ZNRF2: variants seen among roughly 807,000 people sequenced by gnomAD.
The protein encoded by ZNRF2 is E3 ubiquitin-protein ligase ZNRF2.
ZNRF2 carries 16 observed loss-of-function variants against 20.4 expected under a neutral mutation model. The ratio of observed to expected loss-of-function variants is 0.79; its 90% CI spans 0.53 to 1.19. The LOEUF is 1.19. ZNRF2 is among the 50% of genes most tolerant of loss of function. The pLI, the probability that ZNRF2 is intolerant of heterozygous loss-of-function variation, is 0.00. For missense variants in ZNRF2, 363 were observed against 332.4 expected (o/e 1.09, Z -0.72); for synonymous variants, 178 against 144.9 (o/e 1.23, Z -1.64).
intron 2 of ZNRF2, among the ~76,000 whole-genome samples, chr7:30,337,841 A>G (rs1315418660): frequency 2.6e-5 from 4 of 152,130 alleles, no homozygotes; most frequent in Admixed American, 2.6e-4. Context: ...AAGAGATACA[A>G]AGTATGCCCA....
intron 1 of ZNRF2, among the ~76,000 whole-genome samples, chr7:30,306,222 G>T (rs1284747419): frequency 5.9e-5 from 9 of 152,004 alleles, no homozygotes; most frequent in Non-Finnish European, 1.3e-4. Context: ...TTAAATGGCG[G>T]GTATAAAGCT....
chr7:30,297,353 C>T (rs1221654175), intron 1 of ZNRF2, among the ~76,000 whole-genome samples: 1 of 152,102 alleles, frequency 6.6e-6, no homozygotes, highest in Non-Finnish European at 1.5e-5. Context: ...TTTCCTGGTT[C>T]CTTGAATTTA....
intron 3 of ZNRF2, among the ~76,000 whole-genome samples, chr7:30,361,820 T>C (rs1045166309): frequency 5.9e-5 from 9 of 152,196 alleles, no homozygotes; most frequent in African/African-American, 1.9e-4. Context: ...TGCACCCTAA[T>C]ATTTAGCTTC....
intron 2 of ZNRF2, among the ~76,000 whole-genome samples, chr7:30,326,370 A>G (rs1189101289): frequency 2.0e-5 from 3 of 152,238 alleles, no homozygotes; most frequent in Admixed American, 1.3e-4. Flanking sequence ...TCCCACTTAC[A>G]AGTGAGAACG....
intron 1 of ZNRF2, among the ~76,000 whole-genome samples, chr7:30,298,397 TG>T (rs906994747): frequency 6.6e-6 from 1 of 152,190 alleles, no homozygotes; most frequent in Non-Finnish European, 1.5e-5. Context: ...ACTTTTAAAG[TG>T]GGGGGCACTA....
chr7:30,294,963 A>G (rs1203076774), intron 1 of ZNRF2, among the ~76,000 whole-genome samples: 8 of 145,678 alleles, frequency 5.5e-5, no homozygotes, highest in Admixed American at 3.4e-4. Flanking sequence ...ATGCCCCTGG[A>G]GCTGAAATTT....
chr7:30,318,335 C>G (rs1799409820), intron 1 of ZNRF2, among the ~76,000 whole-genome samples: 1 of 152,180 alleles, frequency 6.6e-6, no homozygotes, highest in Non-Finnish European at 1.5e-5. Flanking sequence ...ATCAGTTCTT[C>G]TGGGTGATTT....
chr7:30,326,338 C>A (rs938279199), intron 2 of ZNRF2, among the ~76,000 whole-genome samples: 1 of 152,158 alleles, frequency 6.6e-6, no homozygotes, highest in African/African-American at 2.4e-5. Context: ...CTCTTTGTGT[C>A]CATGTGCTCT....
At chr7:30,287,118 A>G (rs941070240) in intron 1 of ZNRF2, among the ~76,000 whole-genome samples, 2 of 152,196 alleles carry the variant, frequency 1.3e-5, no homozygotes, top group Admixed American at 1.3e-4. Flanking sequence ...AAAAATATTC[A>G]TCCCTCTTAA....
chr7:30,330,813 A>G (rs189681406), intron 2 of ZNRF2, among the ~76,000 whole-genome samples: 111 of 152,230 alleles, frequency 7.3e-4, no homozygotes, highest in African/African-American at 2.5e-3. Context: ...AGAATTTTAA[A>G]TAAGAAAGTC....
intron 2 of ZNRF2, among the ~76,000 whole-genome samples, chr7:30,340,860 CCTT>C (rs1799785216): frequency 6.6e-6 from 1 of 152,046 alleles, no homozygotes; most frequent in Non-Finnish European, 1.5e-5. Flanking sequence ...GGCTGTAAAT[CCTT>C]CTGGTCCTGG....
intron 1 of ZNRF2, among the ~76,000 whole-genome samples, chr7:30,294,367 G>C (rs1206556470): frequency 3.9e-5 from 6 of 151,976 alleles, no homozygotes; most frequent in African/African-American, 1.5e-4. Context: ...CAGTTCTATC[G>C]GGGAATAATC....
chr7:30,301,507 A>G (rs1270960756), intron 1 of ZNRF2, among the ~76,000 whole-genome samples: 1 of 151,954 alleles, frequency 6.6e-6, no homozygotes, highest in African/African-American at 2.4e-5. Flanking sequence ...AATAAAAGCT[A>G]GAAAAGGGAC....
At chr7:30,286,531 CT>C (rs1315264881) in intron 1 of ZNRF2, among the ~76,000 whole-genome samples, 5 of 152,148 alleles carry the variant, frequency 3.3e-5, no homozygotes, top group Non-Finnish European at 7.4e-5. Context: ...TGGCTAGGTT[CT>C]TTTGAAGAGC....
chr7:30,301,711 A>AC (rs1156573201), intron 1 of ZNRF2, among the ~76,000 whole-genome samples: 8 of 151,618 alleles, frequency 5.3e-5, no homozygotes, highest in Non-Finnish European at 1.2e-4. Flanking sequence ...AAAAAAAAAA[A>AC]AAAAAAAAAA....
chr7:30,345,911 C>T (rs537255494), intron 2 of ZNRF2, among the ~76,000 whole-genome samples: 116 of 152,102 alleles, frequency 7.6e-4, no homozygotes, highest in Non-Finnish European at 1.2e-3. Context: ...GATTTAATTT[C>T]GCTTATACAT....
At chr7:30,294,439 G>A (rs1370964489) in intron 1 of ZNRF2, among the ~76,000 whole-genome samples, 1 of 152,076 alleles carries the variant, frequency 6.6e-6, no homozygotes, top group African/African-American at 2.4e-5. Context: ...TGGCTTTATT[G>A]TGGTGGTCCT....
At chr7:30,333,789 T>A (rs1237094066) in intron 2 of ZNRF2, among the ~76,000 whole-genome samples, 2 of 152,220 alleles carry the variant, frequency 1.3e-5, no homozygotes, top group Non-Finnish European at 2.9e-5. Context: ...GTTTGTTGGC[T>A]GCTTGTATGT....
chr7:30,325,395 T>C (rs1194880341), intron 2 of ZNRF2, among the ~76,000 whole-genome samples: 1 of 152,182 alleles, frequency 6.6e-6, no homozygotes, highest in African/African-American at 2.4e-5. Context: ...ATTAGAGATA[T>C]AGCAGTGAAT....
Sources: gnomAD v4.1 joint callset for allele counts (sites outside exome capture counted in the v4.1 genomes callset) on GRCh38, gnomAD v4.1.1 for gene constraint, MANE v1.5 for transcripts, NCBI Gene and HGNC (gene_info 2026-07-23, HGNC 2026-07-21) for gene names.